The following ADGRV1 variants were observed in gnomAD, a reference collection of about 807,000 sequenced individuals.
The protein encoded by ADGRV1 is adhesion G protein-coupled receptor V1, also known as G-protein coupled receptor 98.
Under a neutral mutation model 596.2 loss-of-function variants are expected in ADGRV1, and 359 were observed. That is an observed-to-expected ratio of 0.60 (90% CI 0.55 to 0.66). ADGRV1 has a LOEUF of 0.66. ADGRV1 is among the 30% of genes least tolerant of loss of function. The pLI is 0.00. For missense variants in ADGRV1, 7,274 were observed against 7,575.6 expected (o/e 0.96, Z 1.48); for synonymous variants, 2,681 against 2,679.2 (o/e 1.00, Z -0.02).
At position 90,810,974 on chromosome 5, in the gene ADGRV1, C is replaced by T. The variant is rs748753579; in HGVS notation, c.15714C>T (p.Phe5238=). The part of the protein sequence containing the change: ...YIEEEMKNGT[F]NTAEVLIRRT... Reference sequence around the variant, plus strand: ...AAGAGGAGATGAAGAATGGCACATTCAACACTGCAGAAGTTCTTATCCGAA... The same window carrying T: ...AAGAGGAGATGAAGAATGGCACATTTAACACTGCAGAAGTTCTTATCCGAA... Residue 5238 remains phenylalanine (F), a synonymous_variant, in exon 74 of 90, where the codon TTC becomes TTT. Coordinates refer to ENST00000405460, the MANE Select transcript of ADGRV1 (RefSeq NM_032119.4). 1 of 1,613,994 alleles carries T rather than the reference C, an allele frequency of 6.2e-7. No homozygotes were observed. The highest frequency in any genetic ancestry group is 1.1e-5 in the South Asian group (1 of 91,082).
intron 77 of ADGRV1, 130 bp from the exon 78 acceptor site, chr5:90,840,448 G>T (rs1394918201): frequency 3.0e-6 from 2 of 656,190 alleles, no homozygotes; most frequent in Middle Eastern, 3.9e-4. Context: ...CCATCTTTAG[G>T]TAGTACTGTC....
intron 83 of ADGRV1, among the ~76,000 whole-genome samples, chr5:90,928,148 C>G (rs1394986324): frequency 6.6e-6 from 1 of 152,078 alleles, no homozygotes; most frequent in Non-Finnish European, 1.5e-5. Context: ...TTGTGGCATT[C>G]TCTGTATTTC....
chr5:91,111,282 CTA>C (rs757227330), intron 87 of ADGRV1, among the ~76,000 whole-genome samples: 1 of 152,074 alleles, frequency 6.6e-6, no homozygotes, highest in African/African-American at 2.4e-5. Context: ...TTCTTGTTTT[CTA>C]TGTGTCTCTC....
rs1163555534 is a variant in ADGRV1 at position 90,653,425 on chromosome 5, G to T, written c.3851G>T (p.Gly1284Val). 3 of 1,613,818 alleles carry T rather than the reference G, an allele frequency of 1.9e-6. No homozygotes were observed. The highest frequency in any genetic ancestry group is 2.5e-6 in the Non-Finnish European group (3 of 1,179,878). The change falls in exon 20 of 90, where the codon GGC (glycine) becomes GTC (valine). Residue 1284 changes from glycine to valine, a missense_variant. Physicochemically the swap from Gly to Val is moderately radical, Grantham distance 109. Transcript: ENST00000405460. ...QQGVFGDVQL[G>V]WEILSSEFPA... ...GGTGTGTTTGGTGATGTACAACTGG[G>T]CTGGGAAATACTGTCCAGTGAGTTC...
At chr5:90,667,810 G>C (rs1771704266) in intron 21 of ADGRV1, among the ~76,000 whole-genome samples, 1 of 152,188 alleles carries the variant, frequency 6.6e-6, no homozygotes, top group Non-Finnish European at 1.5e-5. Flanking sequence ...CTTTCTGTTT[G>C]TTAGTTTTCC....
intron 83 of ADGRV1, among the ~76,000 whole-genome samples, chr5:90,920,805 G>T (rs1773809708): frequency 6.6e-6 from 1 of 152,094 alleles, no homozygotes. Context: ...ATCTAACTCA[G>T]TTCCCCTGTA....
chr5:91,074,245 G>C (rs1349974686), intron 86 of ADGRV1, among the ~76,000 whole-genome samples: 1 of 152,002 alleles, frequency 6.6e-6, no homozygotes, highest in African/African-American at 2.4e-5. Flanking sequence ...CACCTCATGG[G>C]GGTTTGGTGT....
chr5:90,640,603 A>G (rs1311525040), intron 11 of ADGRV1: 3 of 152,360 alleles, frequency 2.0e-5, no homozygotes, highest in Non-Finnish European at 4.4e-5. Context: ...CCATGGGGTC[A>G]TCTTCCATAA....
intron 59 of ADGRV1, among the ~76,000 whole-genome samples, chr5:90,764,280 C>T (rs549861708): frequency 6.6e-6 from 1 of 152,222 alleles, no homozygotes; most frequent in Admixed American, 6.5e-5. Flanking sequence ...TCTTCCCCAA[C>T]TCCAGGGCAA....
chr5:90,980,142 T>C (rs1779967244), intron 84 of ADGRV1, among the ~76,000 whole-genome samples: 1 of 152,144 alleles, frequency 6.6e-6, no homozygotes, highest in African/African-American at 2.4e-5. Context: ...GTGAGAAGTG[T>C]GAGAATTCAA....
intron 59 of ADGRV1, among the ~76,000 whole-genome samples, chr5:90,764,040 T>C (rs1287796168): frequency 6.6e-6 from 1 of 152,036 alleles, no homozygotes; most frequent in Non-Finnish European, 1.5e-5. Context: ...GGAAGGATGG[T>C]AAAAAGCGAT....
chr5:90,721,576 T>TA (rs1554094707), intron 45 of ADGRV1, among the ~76,000 whole-genome samples: 1 of 119,914 alleles, frequency 8.3e-6, no homozygotes, highest in Non-Finnish European at 1.8e-5. Flanking sequence ...TAAAATAAAA[T>TA]AAAATAAAAT....
chr5:90,845,591 T>G (rs753625515), intron 78 of ADGRV1, among the ~76,000 whole-genome samples: 1 of 151,644 alleles, frequency 6.6e-6, no homozygotes, highest in Non-Finnish European at 1.5e-5. Flanking sequence ...CCTGTCTGGT[T>G]TCTGGTATGA....
intron 21 of ADGRV1, among the ~76,000 whole-genome samples, chr5:90,672,099 G>A (rs1772557768): frequency 6.6e-6 from 1 of 151,930 alleles, no homozygotes; most frequent in Non-Finnish European, 1.5e-5. Flanking sequence ...TCTCTCTGAT[G>A]TCATGTTCCA....
intron 49 of ADGRV1, 69 bp downstream of exon 49, chr5:90,729,002 T>C: frequency 1.8e-6 from 2 of 1,099,542 alleles, no homozygotes; most frequent in Non-Finnish European, 2.6e-6. Context: ...ATGGTATATT[T>C]TATATGAAAA....
Position 90,627,653 on chromosome 5 carries a change from TGCTAATA to T in ADGRV1, c.1116_1122del (p.Leu373AlafsTer31), listed in dbSNP as rs1194410533. On this transcript the variant is annotated frameshift_variant, in exon 7 of 90. Coordinates refer to ENST00000405460, the MANE Select transcript of ADGRV1 (RefSeq NM_032119.4). LOFTEE classifies it high-confidence loss of function. ...AAAGATACCTTACAGGGAGATGCTGTGCTAATAAGCCCTTCTGTTGTACAAGTCACCA... is the reference window on the plus strand; with the variant it reads ...AAAGATACCTTACAGGGAGATGCTGTAGCCCTTCTGTTGTACAAGTCACCA... 6.2e-7 allele frequency: 1 copy of T among 1,613,866 alleles called. No individual in the cohort carries two copies. The highest frequency in any genetic ancestry group is 8.5e-7 in the Non-Finnish European group (1 of 1,179,794).
At chr5:90,679,393 A>G (rs1379195191) in intron 25 of ADGRV1, among the ~76,000 whole-genome samples, 156 bp from the exon 26 acceptor site, 2 of 152,162 alleles carry the variant, frequency 1.3e-5, no homozygotes, top group Non-Finnish European at 2.9e-5. Flanking sequence ...CTATAATTCT[A>G]CTATTTAAAA....
chr5:91,131,262 A>G (rs558089878), intron 87 of ADGRV1, among the ~76,000 whole-genome samples: 4 of 152,144 alleles, frequency 2.6e-5, no homozygotes, highest in Non-Finnish European at 5.9e-5. Flanking sequence ...CCTTTTCTCT[A>G]CAACCTTACC....
chr5:90,888,296 G>A (rs1006976347), intron 83 of ADGRV1, among the ~76,000 whole-genome samples: 9 of 152,116 alleles, frequency 5.9e-5, no homozygotes, highest in African/African-American at 2.2e-4. Flanking sequence ...TCATTTTTAA[G>A]CAGAAATATT....
Sources: allele counts gnomAD v4.1 joint callset (sites outside exome capture counted in the v4.1 genomes callset), GRCh38; gene constraint gnomAD v4.1.1; transcripts MANE v1.5; gene names NCBI Gene and HGNC (gene_info 2026-07-23, HGNC 2026-07-21).